Variants in ERC2 observed in about 807,000 individuals in gnomAD.
ERC2 encodes ELKS/RAB6-interacting/CAST family member 2.
In ERC2, 42 loss-of-function variants were observed where a neutral mutation model predicts 114.8. The observed-to-expected ratio is 0.37, with a 90% CI of 0.29 to 0.47. The LOEUF (loss-of-function observed/expected upper bound fraction) is 0.47. ERC2 is among the 20% of genes least tolerant of loss of function. The pLI is 0.99. For missense variants in ERC2, 939 were observed against 1,150.7 expected, an observed-to-expected ratio of 0.82 and a Z score of 2.66; for synonymous variants, 454 against 425.5, an observed-to-expected ratio of 1.07 and a Z score of -0.82.
intron 3 of ERC2, among the ~76,000 whole-genome samples, chr3:56,215,370 C>A (rs4425224): frequency 0.8 from 122,005 of 152,078 alleles, 50,845 homozygotes; most frequent in South Asian, 0.95. Context: ...AGACTTTAAA[C>A]CAACAAAGAT....
At chr3:55,908,531 C>A (rs941094875) in intron 13 of ERC2, among the ~76,000 whole-genome samples, 1 of 152,012 alleles carries the variant, frequency 6.6e-6, no homozygotes, top group African/African-American at 2.4e-5. Flanking sequence ...GAGAAGCCTT[C>A]CAGGGAGAGA....
chr3:55,907,427 G>A (rs1480715758), intron 13 of ERC2, among the ~76,000 whole-genome samples: 1 of 152,172 alleles, frequency 6.6e-6, no homozygotes, highest in Admixed American at 6.5e-5. Flanking sequence ...AGGATAAAGT[G>A]TCTAGAATAG....
intron 2 of ERC2, among the ~76,000 whole-genome samples, chr3:56,347,610 C>T (rs1244224581): frequency 6.6e-6 from 1 of 152,098 alleles, no homozygotes; most frequent in Non-Finnish European, 1.5e-5. Flanking sequence ...TCCCAGCCTG[C>T]CTCTTACCAG....
At chr3:55,607,714 A>G (rs1053456718) in intron 17 of ERC2, among the ~76,000 whole-genome samples, 3 of 151,074 alleles carry the variant, frequency 2.0e-5, no homozygotes, top group African/African-American at 7.3e-5. Flanking sequence ...CTTTCTGCAC[A>G]CCAGCATCGG....
intron 15 of ERC2, among the ~76,000 whole-genome samples, chr3:55,721,894 T>C (rs1211222518): frequency 2.6e-5 from 4 of 152,168 alleles, no homozygotes; most frequent in Non-Finnish European, 5.9e-5. Flanking sequence ...GCCACCTTTC[T>C]GGTTGGCTTC....
intron 8 of ERC2, among the ~76,000 whole-genome samples, chr3:56,014,344 C>T (rs1285578745): frequency 1.1e-3 from 163 of 152,312 alleles, no homozygotes; most frequent in Non-Finnish European, 8.8e-5. Context: ...GTTCTCAACT[C>T]CTCATCTGTT....
chr3:56,363,871 G>A lies in ERC2; in HGVS notation c.658-67436C>T, dbSNP rs58793676. Reference sequence around the variant, plus strand: ...GGAGGAAGGGAAAAAGAAAGGGAAAGGGAAAGGGAAAGGGGGAGGGGAAGG... The same window carrying A: ...GGAGGAAGGGAAAAAGAAAGGGAAAAGGAAAGGGAAAGGGGGAGGGGAAGG... On this transcript the variant is annotated intron_variant, in intron 2 of 17. Transcript: ENST00000288221. Among the ~76,000 whole-genome samples, 9 of 150,390 alleles carry A rather than the reference G, an allele frequency of 6.0e-5. No individual in the cohort carries two copies. The South Asian group carries it at 1.9e-3, about 32-fold the overall frequency.
At chr3:56,059,272 G>A (rs1489225610) in intron 7 of ERC2, among the ~76,000 whole-genome samples, 1 of 151,936 alleles carries the variant, frequency 6.6e-6, no homozygotes, top group African/African-American at 2.4e-5. Context: ...TGTATTTTTA[G>A]TAGAGACGGG....
At chr3:56,190,390 G>A (rs2083910530) in intron 3 of ERC2, among the ~76,000 whole-genome samples, 1 of 152,174 alleles carries the variant, frequency 6.6e-6, no homozygotes, top group Non-Finnish European at 1.5e-5. Flanking sequence ...CCAGCCAGCA[G>A]TGGTGCCAGG....
chr3:56,102,028 A>G (rs1211813299), intron 6 of ERC2, among the ~76,000 whole-genome samples: 2 of 152,232 alleles, frequency 1.3e-5, no homozygotes, highest in Admixed American at 1.3e-4. Flanking sequence ...ACTTTCAATA[A>G]CAATTGTTAC....
chr3:55,946,621 T>C (rs1227880596), intron 13 of ERC2, among the ~76,000 whole-genome samples: 1 of 152,152 alleles, frequency 6.6e-6, no homozygotes, highest in Non-Finnish European at 1.5e-5. Context: ...GTAAAGATTG[T>C]AATCCCCATT....
chr3:55,677,037 G>T (rs531014911), intron 17 of ERC2, among the ~76,000 whole-genome samples: 7 of 152,242 alleles, frequency 4.6e-5, no homozygotes, highest in African/African-American at 1.7e-4. Context: ...CTCCTTAAAA[G>T]CTTCTACCTT....
At chr3:55,909,881 T>C (rs959461592) in intron 13 of ERC2, among the ~76,000 whole-genome samples, 1 of 152,196 alleles carries the variant, frequency 6.6e-6, no homozygotes, top group Non-Finnish European at 1.5e-5. Flanking sequence ...CCAAATATCA[T>C]GGGATAAATT....
At chr3:55,650,088 T>C (rs930471198) in intron 17 of ERC2, among the ~76,000 whole-genome samples, 4 of 152,168 alleles carry the variant, frequency 2.6e-5, no homozygotes, top group Non-Finnish European at 4.4e-5. Context: ...TTGTGTTGTC[T>C]TTTGGTCCTG....
chr3:55,672,583 T>C lies in ERC2; in HGVS notation c.*39+11211A>G, dbSNP rs570909271. ...GAGCTGATGGGAGATCAGATGAAAA[T>C]CAGGGACACAGGGCATTTTCTCTAA... On this transcript the variant is annotated intron_variant, in intron 17 of 17. Transcript: ENST00000288221. Among the ~76,000 whole-genome samples the C allele has an allele frequency of 9.8e-4, 149 of 152,208 alleles. 1 individual carries two copies. Among genetic ancestry groups the C allele is most frequent in the South Asian group, 1.7e-3 (8 of 4,810 alleles).
intron 14 of ERC2, among the ~76,000 whole-genome samples, chr3:55,836,691 T>A (rs1439984736): frequency 6.6e-6 from 1 of 152,042 alleles, no homozygotes; most frequent in Non-Finnish European, 1.5e-5. Flanking sequence ...GACATAGGCG[T>A]GGGCAAGGAC....
At chr3:55,638,125 A>G (rs906080776) in intron 17 of ERC2, among the ~76,000 whole-genome samples, 3 of 152,106 alleles carry the variant, frequency 2.0e-5, no homozygotes, top group Non-Finnish European at 4.4e-5. Context: ...CATTCCTCCC[A>G]CAACAAAAAG....
chr3:55,888,950 A>G (rs1399629782), intron 13 of ERC2, among the ~76,000 whole-genome samples: 1 of 152,184 alleles, frequency 6.6e-6, no homozygotes, highest in Non-Finnish European at 1.5e-5. Flanking sequence ...AACCCTTAAA[A>G]AATGTTTCAA....
chr3:55,689,447 A>G lies in ERC2; in HGVS notation c.2848-5588T>C, dbSNP rs144996225. Among the ~76,000 whole-genome samples the G allele has an allele frequency of 2.3e-3, 347 of 152,284 alleles. 2 individuals are homozygous for G. The highest frequency in any genetic ancestry group is 7.9e-3 in the African/African-American group (330 of 41,560). ...ATGTCGGCCAACAATATTGTTTGGG[A>G]GCTTAAAATCAACATCTGCTAAAAG... On this transcript the variant is annotated intron_variant, in intron 16 of 17. Coordinates refer to ENST00000288221, the MANE Select transcript of ERC2 (RefSeq NM_015576.3).
Sources: allele counts gnomAD v4.1 joint callset (sites outside exome capture counted in the v4.1 genomes callset), GRCh38; gene constraint gnomAD v4.1.1; transcripts MANE v1.5; gene names NCBI Gene and HGNC (gene_info 2026-07-23, HGNC 2026-07-21).